CDH19: variants seen among roughly 807,000 people sequenced by gnomAD.
CDH19 encodes cadherin-19.
Under a neutral mutation model 64.2 loss-of-function variants are expected in CDH19, and 67 were observed. That is an observed-to-expected ratio of 1.04 (90% CI 0.86 to 1.28). CDH19 has a LOEUF of 1.28. Among genes scored for constraint, CDH19 ranks in the 50% most tolerant of loss-of-function variants. The probability of loss-of-function intolerance (pLI) is 0.00; values close to 1 mark genes in which losing one functional copy is unlikely to be tolerated. For synonymous variants in CDH19, 346 were observed against 319.3 expected, an observed-to-expected ratio of 1.08 and a Z score of -0.89; for missense variants, 1,030 against 929.0, an observed-to-expected ratio of 1.11 and a Z score of -1.41.
intron 1 of CDH19, among the ~76,000 whole-genome samples, chr18:66,591,535 G>T (rs12959626): frequency 0.34 from 51,299 of 151,642 alleles, 10,105 homozygotes; most frequent in Non-Finnish European, 0.45. Flanking sequence ...AATTTTCAGA[G>T]TTGGCAGTAG....
At chr18:66,554,279 A>G (rs1987437850) in intron 4 of CDH19, 126 bp downstream of exon 4, 2 of 845,074 alleles carry the variant, frequency 2.4e-6, no homozygotes, top group African/African-American at 1.7e-5. Context: ...ATGCTTAGGA[A>G]TTGCAATCTT....
intron 9 of CDH19, among the ~76,000 whole-genome samples, chr18:66,524,610 G>T (rs1252483100): frequency 7.1e-6 from 1 of 141,324 alleles, no homozygotes; most frequent in Admixed American, 7.2e-5. Context: ...ATCTGTATTT[G>T]TTAATTAAAA....
chr18:66,525,011 T>C (rs1986166332), intron 9 of CDH19, among the ~76,000 whole-genome samples: 1 of 152,150 alleles, frequency 6.6e-6, no homozygotes, highest in Non-Finnish European at 1.5e-5. Context: ...CTGGATTTTC[T>C]CTTGGCTTAA....
intron 1 of CDH19, among the ~76,000 whole-genome samples, chr18:66,600,892 A>G (rs1469318321): frequency 6.6e-6 from 1 of 151,922 alleles, no homozygotes; most frequent in African/African-American, 2.4e-5. Context: ...ATAGTCTCCC[A>G]AAGAAAAGTG....
chr18:66,567,609 A>T (rs1255601907), intron 3 of CDH19, among the ~76,000 whole-genome samples: 1 of 151,908 alleles, frequency 6.6e-6, no homozygotes, highest in African/African-American at 2.4e-5. Context: ...GTATTTTTGG[A>T]ATCATTGGCT....
Position 66,509,267 on chromosome 18 carries a change from C to G in CDH19, c.1577-21G>C, listed in dbSNP as rs745892548. The G allele has an allele frequency of 5.6e-6, 9 of 1,606,898 alleles. No individual in the cohort carries two copies. In the Admixed American group the frequency reaches 1.3e-4, roughly 24 times the overall value. On this transcript the variant is annotated intron_variant, in intron 10 of 11. Transcript: ENST00000262150. The stretch of plus-strand genomic sequence containing the variant: ...GTTATCTAAAACAAAAATCCATGTG[C>G]ATAATTTTTTCAACTACGTAAGAGA...
chr18:66,541,087 G>T (rs1036764320), intron 7 of CDH19, among the ~76,000 whole-genome samples: 1 of 151,912 alleles, frequency 6.6e-6, no homozygotes, highest in African/African-American at 2.4e-5. Flanking sequence ...TCATATAAAG[G>T]TAGATCTTGC....
At chr18:66,524,006 A>G (rs1330735341) in intron 9 of CDH19, among the ~76,000 whole-genome samples, 1 of 152,092 alleles carries the variant, frequency 6.6e-6, no homozygotes. Flanking sequence ...CATTAAATTG[A>G]TCAGTGGCAG....
Position 66,504,747 on chromosome 18 carries a change from CTT to C in CDH19, c.*63_*64del, listed in dbSNP as rs1180627162. 4.3e-5 allele frequency: 65 copies of C among 1,503,912 alleles called. No homozygotes were observed. The highest frequency in any genetic ancestry group is 4.2e-5 in the Admixed American group (2 of 47,814). The allele number at this position is 1,503,912 out of a possible 1,614,324, so 93.2% of individuals were successfully genotyped here. A position where few individuals can be genotyped will look rare whatever the true frequency, so the allele number is the denominator to read the frequency against. On this transcript the variant is annotated 3_prime_UTR_variant, in exon 12 of 12. Transcript: ENST00000262150. Reference sequence around the variant, plus strand: ...CGCCATAGAGCCAGGGCACAAAACTCTTTAAGACTACCATTGGGTTCGAATAC... The same window carrying C: ...CGCCATAGAGCCAGGGCACAAAACTCTAAGACTACCATTGGGTTCGAATAC...
At chr18:66,598,361 T>C (rs1211042132) in intron 1 of CDH19, among the ~76,000 whole-genome samples, 3 of 152,162 alleles carry the variant, frequency 2.0e-5, no homozygotes, top group South Asian at 4.1e-4. Flanking sequence ...AAGGAATATA[T>C]AGTTCTACCA....
At position 66,568,649 on chromosome 18, in the gene CDH19, G is replaced by A; in HGVS notation, c.257C>T (p.Ala86Val). 2 of 1,611,196 alleles carry A rather than the reference G, an allele frequency of 1.2e-6. No individual in the cohort carries two copies. Among genetic ancestry groups the A allele is most frequent in the South Asian group, 2.2e-5 (2 of 91,010 alleles). Residue 86 changes from alanine to valine, a missense_variant, in exon 3 of 12, where the codon GCT becomes GTT. Transcript: ENST00000262150. ...SFQYKLLGAG[A>V]GSTFIIDERT... ...TTCATCAATGATAAAAGTACTTCCA[G>A]CTCCAGCTCCCAAAAGCTTGTACTG...
chr18:66,593,388 T>A (rs990191694), intron 1 of CDH19, among the ~76,000 whole-genome samples: 1 of 152,020 alleles, frequency 6.6e-6, no homozygotes, highest in Non-Finnish European at 1.5e-5. Flanking sequence ...ATCAATGTAT[T>A]ATTTATTGTG....
intron 9 of CDH19, among the ~76,000 whole-genome samples, chr18:66,513,028 T>G (rs1985568949): frequency 6.6e-6 from 1 of 151,518 alleles, no homozygotes; most frequent in African/African-American, 2.4e-5. Context: ...CATATCATGG[T>G]GTCCTGAATA....
chr18:66,532,675 TG>T (rs1425674833), intron 8 of CDH19: 1 of 443,366 alleles, frequency 2.3e-6, no homozygotes, highest in Non-Finnish European at 4.5e-6. Flanking sequence ...ACCATCTCTT[TG>T]AAATGTAATC....
intron 1 of CDH19, among the ~76,000 whole-genome samples, chr18:66,600,337 G>A (rs1433062930): frequency 6.6e-6 from 1 of 151,520 alleles, no homozygotes; most frequent in East Asian, 1.9e-4. Flanking sequence ...CTAATGTTTT[G>A]TTTCATAATA....
Position 66,504,086 on chromosome 18 carries a change from T to A in CDH19, c.*726A>T, listed in dbSNP as rs1161187743. 1 of 151,938 alleles carries A rather than the reference T, an allele frequency of 6.6e-6. No individual in the cohort carries two copies. The highest frequency in any genetic ancestry group is 1.5e-5 in the Non-Finnish European group (1 of 67,914). The allele number at this position is 151,938 out of a possible 1,614,324, so 9.4% of individuals were successfully genotyped here. A position where few individuals can be genotyped will look rare whatever the true frequency, so the allele number is the denominator to read the frequency against. ...TTCTCACATTAACCATTTAAAAAGGTTGAGCGTTTGCATTAGATGACATTG... is the reference window on the plus strand; with the variant it reads ...TTCTCACATTAACCATTTAAAAAGGATGAGCGTTTGCATTAGATGACATTG... On this transcript the variant is annotated 3_prime_UTR_variant, in exon 12 of 12. Coordinates refer to ENST00000262150, the MANE Select transcript of CDH19 (RefSeq NM_021153.4).
intron 9 of CDH19, among the ~76,000 whole-genome samples, chr18:66,516,533 CAGA>C (rs1985746548): frequency 6.6e-6 from 1 of 151,924 alleles, no homozygotes; most frequent in Non-Finnish European, 1.5e-5. Flanking sequence ...TGCTGAGCTC[CAGA>C]AGATGTCACC....
intron 5 of CDH19, among the ~76,000 whole-genome samples, chr18:66,550,777 T>C (rs113424626): frequency 1.5e-3 from 227 of 152,196 alleles, no homozygotes; most frequent in African/African-American, 5.3e-3. Context: ...AACCCTTAAA[T>C]GAACTAGGAT....
intron 3 of CDH19, among the ~76,000 whole-genome samples, chr18:66,566,167 C>T (rs1987901748): frequency 6.6e-6 from 1 of 151,838 alleles, no homozygotes. Context: ...TTACTGCCTT[C>T]GCATTATGCT....
Sources: allele counts gnomAD v4.1 joint callset (sites outside exome capture counted in the v4.1 genomes callset), GRCh38; gene constraint gnomAD v4.1.1; transcripts MANE v1.5; gene names NCBI Gene and HGNC (gene_info 2026-07-23, HGNC 2026-07-21).